Variants in TTLL11 observed in about 807,000 individuals in gnomAD.
TTLL11 encodes the protein tubulin tyrosine ligase like 11.
A neutral mutation model predicts 51.7 loss-of-function variants in TTLL11; 42 were observed. The observed-to-expected ratio is 0.81, with a 90% CI of 0.64 to 1.05. The LOEUF is 1.05. TTLL11 is among the 50% of genes least tolerant of loss of function. The pLI is 0.00. For missense variants in TTLL11, 799 were observed against 940.4 expected, an observed-to-expected ratio of 0.85 and a Z score of 1.97; for synonymous variants, 381 against 383.5, an observed-to-expected ratio of 0.99 and a Z score of 0.08.
rs1179560609 is a variant in TTLL11 at position 121,870,711 on chromosome 9, C to T, written c.1519G>A (p.Asp507Asn). 6.5e-7 allele frequency: 1 copy of T among 1,550,116 alleles called. No individual in the cohort carries two copies. The highest frequency in any genetic ancestry group is 1.4e-5 in the African/African-American group (1 of 73,148). ...CTGGTCAGCTCGCCGTCCAAAGCAT[C>T]TTCCTTTCCAGCGAATGGTTTTTCA... ...QLEKPFAGKEDALDGELTSAP... is the reference protein window; with the variant it reads ...QLEKPFAGKENALDGELTSAP... The change falls in exon 7 of 9, where the codon GAT (aspartate) becomes AAT (asparagine). Residue 507 changes from aspartate to asparagine, a missense_variant. Asp to Asn is a conservative substitution (Grantham distance 23). Around this residue, in one of 3 missense-constraint regions of TTLL11, gnomAD observed 468 missense variants for 612.8 expected, o/e 0.76. Coordinates refer to ENST00000321582, the MANE Select transcript of TTLL11 (RefSeq NM_001139442.2).
intron 6 of TTLL11, among the ~76,000 whole-genome samples, chr9:121,873,991 T>G (rs573473922): frequency 6.6e-6 from 1 of 151,888 alleles, no homozygotes; most frequent in South Asian, 2.1e-4. Flanking sequence ...ATTACAGGTG[T>G]GTGCCACCAC....
intron 6 of TTLL11, among the ~76,000 whole-genome samples, chr9:121,960,807 G>C (rs901694184): frequency 1.3e-5 from 2 of 152,020 alleles, no homozygotes; most frequent in African/African-American, 4.8e-5. Context: ...ATCCAGGAAA[G>C]CCAGCCCCAC....
At chr9:122,065,894 A>G (rs1294651003) in intron 1 of TTLL11, among the ~76,000 whole-genome samples, 1 of 152,222 alleles carries the variant, frequency 6.6e-6, no homozygotes, top group East Asian at 1.9e-4. Flanking sequence ...GTTAATAAAG[A>G]CATATTAAAT....
At chr9:121,964,154 C>T (rs1842327169) in intron 6 of TTLL11, among the ~76,000 whole-genome samples, 1 of 151,598 alleles carries the variant, frequency 6.6e-6, no homozygotes, top group African/African-American at 2.4e-5. Flanking sequence ...GACCCCCGAC[C>T]CTGAAATAAA....
intron 6 of TTLL11, among the ~76,000 whole-genome samples, chr9:121,965,357 C>A (rs900866318): frequency 6.6e-6 from 1 of 152,146 alleles, no homozygotes; most frequent in African/African-American, 2.4e-5. Context: ...TGGCGGAAGG[C>A]AAAGGGGAAG....
intron 1 of TTLL11, among the ~76,000 whole-genome samples, chr9:122,050,900 G>C (rs1208799549): frequency 1.3e-5 from 2 of 152,046 alleles, no homozygotes; most frequent in African/African-American, 4.8e-5. Flanking sequence ...CTTGATTGTA[G>C]CCTCATGAAA....
chr9:121,873,974 A>T (rs1838468643), intron 6 of TTLL11, among the ~76,000 whole-genome samples: 1 of 150,556 alleles, frequency 6.6e-6, no homozygotes, highest in Admixed American at 6.6e-5. Flanking sequence ...CCTCCTGAGT[A>T]GCTGGGATTA....
chr9:122,082,817 G>A (rs1846032116), intron 1 of TTLL11, among the ~76,000 whole-genome samples: 1 of 152,134 alleles, frequency 6.6e-6, no homozygotes, highest in Non-Finnish European at 1.5e-5. Context: ...AGAATCACTT[G>A]AGCCCAGGAG....
At chr9:122,091,526 T>G (rs1846258379) in intron 1 of TTLL11, among the ~76,000 whole-genome samples, 1 of 152,166 alleles carries the variant, frequency 6.6e-6, no homozygotes, top group Non-Finnish European at 1.5e-5. Flanking sequence ...TTGACTTCCC[T>G]CCAAACCAAA....
chr9:121,852,448 C>A (rs1837690165), intron 8 of TTLL11, among the ~76,000 whole-genome samples: 1 of 152,142 alleles, frequency 6.6e-6, no homozygotes, highest in East Asian at 1.9e-4. Flanking sequence ...AACACTGGAT[C>A]CTGCGGCTGC....
intron 1 of TTLL11, among the ~76,000 whole-genome samples, chr9:122,075,937 T>C (rs562880332): frequency 3.9e-5 from 6 of 151,974 alleles, no homozygotes; most frequent in African/African-American, 1.2e-4. Context: ...ATTTAGAAGG[T>C]AGAAAAAAAA....
In TTLL11 at chr9:121,862,175, C is replaced by CT. The variant is rs774632655; in HGVS notation, c.1734-1733dup. On this transcript the variant is annotated intron_variant, in intron 7 of 8. Coordinates refer to ENST00000321582, the MANE Select transcript of TTLL11 (RefSeq NM_001139442.2). ...TTAGAATCCTCCTACCCCTCCCCAG[C>CT]TTTTTTTTTTTTTGGTCTGGAAATG... Among the ~76,000 whole-genome samples the CT allele has an allele frequency of 1.7e-3, 238 of 141,194 alleles. 1 individual carries two copies. Among genetic ancestry groups the CT allele is most frequent in the African/African-American group, 3.1e-3 (122 of 38,756 alleles). 92.6% of individuals were successfully genotyped at this position (141,194 alleles called of 152,430 possible). A position where few individuals can be genotyped will look rare whatever the true frequency, so the allele number is the denominator to read the frequency against.
At chr9:121,973,945 T>C (rs998341406) in intron 6 of TTLL11, 64 bp downstream of exon 6, 7 of 1,212,644 alleles carry the variant, frequency 5.8e-6, no homozygotes, top group Non-Finnish European at 8.2e-6. Context: ...CTTACCTGCT[T>C]AGGATACGAA....
At position 121,989,524 on chromosome 9, in the gene TTLL11, T is replaced by C. The variant is rs754339606; in HGVS notation, c.940A>G (p.Ile314Val). The change falls in exon 4 of 9, where the codon ATA becomes GTA. Residue 314 changes from isoleucine (I) to valine (V), a missense_variant. Transcript: ENST00000321582. This position sits in a 1 kb window ranked among gnomAD's most constrained non-coding sequence, Gnocchi z 4.2. ...AACCTAGAGAGTCCGTCTTTGGCTA[T>C]ATAAATCTCTAAGGGGTCTAAGGAC... ...LKSLDPLEIY[I>V]AKDGLSRFCT... The C allele has an allele frequency of 1.4e-5, 22 of 1,614,012 alleles. No individual in the cohort carries two copies. The highest frequency in any genetic ancestry group is 5.0e-5 in the Admixed American group (3 of 60,000).
intron 6 of TTLL11, among the ~76,000 whole-genome samples, chr9:121,894,404 G>T (rs973455924): frequency 6.6e-6 from 1 of 152,104 alleles, no homozygotes; most frequent in Non-Finnish European, 1.5e-5. Context: ...GTATATACCC[G>T]AAGGATTATA....
At chr9:121,910,012 G>A (rs963066687) in intron 6 of TTLL11, among the ~76,000 whole-genome samples, 3 of 152,154 alleles carry the variant, frequency 2.0e-5, no homozygotes, top group Admixed American at 6.5e-5. Flanking sequence ...CCATAACCTC[G>A]CTGGATCCTC....
rs940486780 is a variant in TTLL11, at chr9:121,845,691, T to C, written c.1840+14646A>G. Among the ~76,000 whole-genome samples, 15 of 152,178 alleles carry C rather than the reference T, an allele frequency of 9.9e-5. 1 individual carries two copies. The highest frequency in any genetic ancestry group is 9.6e-5 in the African/African-American group (4 of 41,456). On this transcript the variant is annotated intron_variant, in intron 8 of 8. Transcript: ENST00000321582. ...ACCTGCACTATCTGTTAAAGGGGTATAGTGTTATTTGAAAATGGACTTATT... is the reference window on the plus strand; with the variant it reads ...ACCTGCACTATCTGTTAAAGGGGTACAGTGTTATTTGAAAATGGACTTATT...
chr9:121,893,900 T>G (rs1839352732), intron 6 of TTLL11, among the ~76,000 whole-genome samples: 1 of 152,230 alleles, frequency 6.6e-6, no homozygotes, highest in South Asian at 2.1e-4. Context: ...CTTTGCAAGC[T>G]GTTTTGCATG....
chr9:122,039,821 CGAGCCCAAAAGAATAAGCTTTCA>C (rs1444780234), intron 1 of TTLL11, among the ~76,000 whole-genome samples: 1 of 151,860 alleles, frequency 6.6e-6, no homozygotes, highest in Admixed American at 6.6e-5. Context: ...AACCCTCAAC[CGAGCCCAAAAGAATAAGCTTTCA>C]GAGTCCCTCT....
Sources: gnomAD v4.1 joint callset for allele counts (sites outside exome capture counted in the v4.1 genomes callset) on GRCh38, gnomAD v4.1.1 for gene constraint, gnomAD v4.1.1 regional missense constraint, Gnocchi (gnomAD v3.1) non-coding constraint, MANE v1.5 for transcripts, NCBI Gene and HGNC (gene_info 2026-07-23, HGNC 2026-07-21) for gene names.